The following ERBB4 variants were observed in gnomAD, a reference collection of about 807,000 sequenced individuals.
ERBB4 encodes receptor tyrosine-protein kinase erbB-4.
A neutral mutation model predicts 158.0 loss-of-function variants in ERBB4; 42 were observed. The observed-to-expected ratio is 0.27, with a 90% CI of 0.21 to 0.34. ERBB4 has a LOEUF of 0.34. Among genes scored for constraint, ERBB4 ranks in the 10% least tolerant of loss-of-function variants. The pLI is 1.00. For synonymous variants in ERBB4, 583 were observed against 558.7 expected (o/e 1.04, Z -0.61); for missense variants, 1,333 against 1,624.1 (o/e 0.82, Z 3.08).
At chr2:211,392,599 CA>C (rs1418104178) in intron 25 of ERBB4, among the ~76,000 whole-genome samples, 9 of 138,166 alleles carry the variant, frequency 6.5e-5, no homozygotes, top group African/African-American at 7.9e-5. Context: ...CACACACACA[CA>C]CCCCAATAAT....
intron 1 of ERBB4, among the ~76,000 whole-genome samples, chr2:212,130,663 A>T (rs1361922622): frequency 6.6e-6 from 1 of 152,172 alleles, no homozygotes; most frequent in Non-Finnish European, 1.5e-5. Context: ...CCTAACTCTC[A>T]GATCAAATGC....
chr2:211,486,659 C>T (rs1033463230), intron 20 of ERBB4, among the ~76,000 whole-genome samples: 25 of 152,038 alleles, frequency 1.6e-4, no homozygotes, highest in Admixed American at 7.9e-4. Flanking sequence ...TTATTATTTA[C>T]TATAACCATC....
chr2:212,260,262 CA>C (rs2084890393), intron 1 of ERBB4, among the ~76,000 whole-genome samples: 1 of 151,650 alleles, frequency 6.6e-6, no homozygotes, highest in Non-Finnish European at 1.5e-5. Flanking sequence ...ATTCAGAGTC[CA>C]AAAGGATATT....
intron 2 of ERBB4, among the ~76,000 whole-genome samples, chr2:212,105,594 A>C (rs1190203075): frequency 1.3e-5 from 2 of 152,320 alleles, no homozygotes; most frequent in East Asian, 3.9e-4. Flanking sequence ...ATTAAAATGC[A>C]TTTGTGTCGA....
chr2:212,437,178 T>C (rs1417876641), intron 1 of ERBB4, among the ~76,000 whole-genome samples: 5 of 152,036 alleles, frequency 3.3e-5, no homozygotes, highest in Admixed American at 2.0e-4. Context: ...TTTTTCTGCA[T>C]TCCCCCCATT....
chr2:211,885,214 T>A (rs1199968072), intron 3 of ERBB4, among the ~76,000 whole-genome samples: 3 of 152,134 alleles, frequency 2.0e-5, no homozygotes, highest in Non-Finnish European at 2.9e-5. Flanking sequence ...TATAATTTGT[T>A]ATGACAAGTG....
rs185335918 is a variant in ERBB4, at chr2:212,525,434, T to C, written c.82+13015A>G. 2.0e-5 allele frequency among the ~76,000 whole-genome samples: 3 copies of C among 152,086 alleles called. No homozygotes were observed. The East Asian group carries it at 5.8e-4, about 29-fold the overall frequency. On this transcript the variant is annotated intron_variant, in intron 1 of 27. Coordinates refer to ENST00000342788, the MANE Select transcript of ERBB4 (RefSeq NM_005235.3). ...AGATGAACAATTCATGAATGAGAATTATTCTCTACAGTGAACTTGATTATG... is the reference window on the plus strand; with the variant it reads ...AGATGAACAATTCATGAATGAGAATCATTCTCTACAGTGAACTTGATTATG...
At chr2:211,976,223 T>C (rs780286849) in intron 2 of ERBB4, among the ~76,000 whole-genome samples, 26 of 152,176 alleles carry the variant, frequency 1.7e-4, no homozygotes, top group Non-Finnish European at 3.5e-4. Flanking sequence ...TAATAAAGTA[T>C]AACTCTAAAC....
chr2:211,728,360 T>G lies in ERBB4; in HGVS notation c.623-3166A>C, dbSNP rs138190283. ...ACACATTATATATATATATATGATA[T>G]GTACCCAAACAATTTGTATCCTTTC... On this transcript the variant is annotated intron_variant, in intron 5 of 27. Coordinates refer to ENST00000342788, the MANE Select transcript of ERBB4 (RefSeq NM_005235.3). Among the ~76,000 whole-genome samples the G allele has an allele frequency of 7.0e-3, 1,061 of 151,936 alleles. 9 individuals carry two copies. Among genetic ancestry groups the G allele is most frequent in the African/African-American group, 0.024 (1,012 of 41,540 alleles).
At chr2:211,698,730 T>A (rs1208367631) in intron 12 of ERBB4, among the ~76,000 whole-genome samples, 2 of 152,104 alleles carry the variant, frequency 1.3e-5, no homozygotes, top group African/African-American at 4.8e-5. Flanking sequence ...TTCTAAAGGA[T>A]TGGTGTAATA....
chr2:212,240,657 A>AAAC (rs2084060931), intron 1 of ERBB4, among the ~76,000 whole-genome samples: 1 of 148,934 alleles, frequency 6.7e-6, no homozygotes, highest in African/African-American at 2.5e-5. Flanking sequence ...AAAAAAAAAA[A>AAAC]AAAAAAAAAA....
chr2:211,439,086 G>A (rs1186567963), intron 20 of ERBB4, among the ~76,000 whole-genome samples: 1 of 151,766 alleles, frequency 6.6e-6, no homozygotes, highest in Non-Finnish European at 1.5e-5. Flanking sequence ...ACCTCTTTAG[G>A]ACCTGGACAT....
intron 1 of ERBB4, among the ~76,000 whole-genome samples, chr2:212,471,566 T>A (rs1689119277): frequency 6.6e-6 from 1 of 151,978 alleles, no homozygotes; most frequent in Non-Finnish European, 1.5e-5. Flanking sequence ...CTTATCCATC[T>A]GTGCAAAGAA....
chr2:212,011,602 T>G (rs2076388389), intron 2 of ERBB4, among the ~76,000 whole-genome samples: 1 of 151,812 alleles, frequency 6.6e-6, no homozygotes, highest in Non-Finnish European at 1.5e-5. Flanking sequence ...AATACAAAAT[T>G]AGCCAGGTTT....
intron 2 of ERBB4, among the ~76,000 whole-genome samples, chr2:211,972,824 C>T: frequency 6.6e-6 from 1 of 152,102 alleles, no homozygotes; most frequent in East Asian, 1.9e-4. Flanking sequence ...CTAGGCAATA[C>T]CATTTAGGAC....
intron 1 of ERBB4, among the ~76,000 whole-genome samples, chr2:212,298,434 A>G (rs994175766): frequency 2.6e-5 from 4 of 151,722 alleles, no homozygotes; most frequent in Non-Finnish European, 4.4e-5. Flanking sequence ...TTTTTCTTTC[A>G]GAGAAAGAAA....
chr2:212,486,173 TATA>T (rs1340761484), intron 1 of ERBB4, among the ~76,000 whole-genome samples: 3 of 150,882 alleles, frequency 2.0e-5, no homozygotes, highest in African/African-American at 7.3e-5. Context: ...ATAAGGGAGG[TATA>T]ATAATAATAA....
In ERBB4 at chr2:212,237,286, T is replaced by C. The variant is rs73062462; in HGVS notation, c.83-112383A>G. Among the ~76,000 whole-genome samples, 795 of 152,320 alleles carry C rather than the reference T, an allele frequency of 5.2e-3. 7 individuals are homozygous for C. Among genetic ancestry groups the C allele is most frequent in the African/African-American group, 0.018 (754 of 41,578 alleles). On this transcript the variant is annotated intron_variant, in intron 1 of 27. Coordinates refer to ENST00000342788, the MANE Select transcript of ERBB4 (RefSeq NM_005235.3). ...GTGCGGACATCCTTTTTGTTGATGT[T>C]GACGCTATTCCTTTCTATTTGTTAG...
At chr2:211,839,491 T>G (rs919487681) in intron 3 of ERBB4, among the ~76,000 whole-genome samples, 1 of 152,110 alleles carries the variant, frequency 6.6e-6, no homozygotes, top group Admixed American at 6.6e-5. Context: ...AAAACAATTC[T>G]CAACTAGGTT....
Sources: allele counts gnomAD v4.1 joint callset (sites outside exome capture counted in the v4.1 genomes callset), GRCh38; gene constraint gnomAD v4.1.1; transcripts MANE v1.5; gene names NCBI Gene and HGNC (gene_info 2026-07-23, HGNC 2026-07-21).